ZFHX3: variants seen among roughly 807,000 people sequenced by gnomAD.
The protein encoded by ZFHX3 is zinc finger homeobox protein 3.
ZFHX3 carries 42 observed loss-of-function variants against 279.1 expected under a neutral mutation model. The ratio of observed to expected loss-of-function variants is 0.15; its 90% CI spans 0.12 to 0.19. ZFHX3 has a LOEUF of 0.19. Among genes scored for constraint, ZFHX3 ranks in the 10% least tolerant of loss-of-function variants. The probability of loss-of-function intolerance (pLI) is 1.00; values close to 1 mark genes in which losing one functional copy is unlikely to be tolerated. For synonymous variants in ZFHX3, 2,293 were observed against 1,957.8 expected (o/e 1.17, Z -4.52); for missense variants, 4,981 against 4,754.0 (o/e 1.05, Z -1.40).
intron 3 of ZFHX3, among the ~76,000 whole-genome samples, chr16:73,338,436 CT>C (rs898195699): frequency 2.0e-5 from 3 of 151,612 alleles, no homozygotes; most frequent in South Asian, 4.2e-4. Context: ...TAAAGGTCAA[CT>C]TTTTTTTTCA....
At chr16:72,803,317 G>A (rs981751645) in intron 7 of ZFHX3, among the ~76,000 whole-genome samples, 1 of 152,192 alleles carries the variant, frequency 6.6e-6, no homozygotes, top group African/African-American at 2.4e-5. Context: ...GGGCGACAGA[G>A]TGAGACTCTG....
chr16:73,003,238 A>G (rs1428938013), intron 1 of ZFHX3, among the ~76,000 whole-genome samples: 2 of 151,618 alleles, frequency 1.3e-5, no homozygotes, highest in African/African-American at 4.8e-5. Flanking sequence ...TTTCCTTTGC[A>G]CGACTCTCAG....
intron 2 of ZFHX3, among the ~76,000 whole-genome samples, chr16:73,637,069 G>GA (rs2052533206): frequency 6.6e-6 from 1 of 151,638 alleles, no homozygotes. Context: ...CAGATCAACA[G>GA]AAAAAAATAT....
rs56325039 is a variant in ZFHX3, at chr16:73,184,342, G to A, written c.-1103-40511C>T. Among the ~76,000 whole-genome samples, 243 of 152,322 alleles carry A rather than the reference G, an allele frequency of 1.6e-3. 1 individual carries two copies. Among genetic ancestry groups the A allele is most frequent in the African/African-American group, 5.5e-3 (228 of 41,562 alleles). On this transcript the variant is annotated intron_variant, in intron 5 of 17. Transcript: ENST00000641206. Reference sequence around the variant, plus strand: ...TGCAGCCAATGTGAATCCAAGCGAGGGTTTCATGGAAGACATTTTTGTCAG... The same window carrying A: ...TGCAGCCAATGTGAATCCAAGCGAGAGTTTCATGGAAGACATTTTTGTCAG...
chr16:73,412,938 G>A (rs956062369), intron 3 of ZFHX3, among the ~76,000 whole-genome samples: 3 of 152,170 alleles, frequency 2.0e-5, no homozygotes, highest in Non-Finnish European at 4.4e-5. Context: ...ATGCATTTAT[G>A]GATCTTAACA....
chr16:73,103,217 G>A (rs888193023), intron 7 of ZFHX3, among the ~76,000 whole-genome samples: 5 of 152,042 alleles, frequency 3.3e-5, no homozygotes, highest in Non-Finnish European at 7.4e-5. Flanking sequence ...GATTTCCTGC[G>A]CCCAGCCTAT....
intron 3 of ZFHX3, among the ~76,000 whole-genome samples, chr16:72,900,872 C>T (rs937996656): frequency 1.3e-5 from 2 of 152,214 alleles, no homozygotes; most frequent in East Asian, 1.9e-4. Context: ...GGACCCAAGT[C>T]GGAATACCTG....
chr16:73,308,262 TATATATATATATA>T lies in ZFHX3; in HGVS notation c.-1194+9965_-1194+9977del, dbSNP rs2015236518. On this transcript the variant is annotated intron_variant, in intron 4 of 17. Transcript: ENST00000641206. ...ATATATATATATATATATATATATATATATATATATATATATTTATTTATTTATTTTTGAGACA... is the reference window on the plus strand; with the variant it reads ...ATATATATATATATATATATATATATTATTTATTTATTTATTTTTGAGACA... Among the ~76,000 whole-genome samples, 288 of 31,788 alleles carry T rather than the reference TATATATATATATA, an allele frequency of 9.1e-3. 1 individual carries two copies. The highest frequency in any genetic ancestry group is 0.026 in the Middle Eastern group (1 of 38). 20.9% of individuals were successfully genotyped at this position (31,788 alleles called of 152,430 possible).
chr16:72,878,434 G>A (rs189326907), intron 4 of ZFHX3, among the ~76,000 whole-genome samples: 6 of 152,308 alleles, frequency 3.9e-5, no homozygotes, highest in Admixed American at 6.5e-5. Context: ...TCCCCATGCT[G>A]TGGGGCTTCT....
At chr16:73,453,997 T>C (rs2018327628) in intron 3 of ZFHX3, among the ~76,000 whole-genome samples, 1 of 152,102 alleles carries the variant, frequency 6.6e-6, no homozygotes, top group Admixed American at 6.5e-5. Context: ...AGCCAAACCG[T>C]ATCAGTGAGG....
chr16:73,659,557 G>C (rs1196211920), intron 2 of ZFHX3, among the ~76,000 whole-genome samples: 2 of 152,066 alleles, frequency 1.3e-5, no homozygotes, highest in South Asian at 2.1e-4. Context: ...TCCCTGGGGA[G>C]GTGGCTACAG....
chr16:72,867,293 G>C (rs1478884767), intron 4 of ZFHX3, among the ~76,000 whole-genome samples: 1 of 152,182 alleles, frequency 6.6e-6, no homozygotes, highest in Non-Finnish European at 1.5e-5. Context: ...ACAAAATTTA[G>C]AAGAAAAAAC....
chr16:73,764,342 T>C (rs1192627613), intron 1 of ZFHX3, among the ~76,000 whole-genome samples: 1 of 152,136 alleles, frequency 6.6e-6, no homozygotes, highest in Non-Finnish European at 1.5e-5. Context: ...GAAATCTTTT[T>C]TATATAAAAT....
At chr16:73,283,225 C>T (rs542737860) in intron 4 of ZFHX3, among the ~76,000 whole-genome samples, 1 of 152,312 alleles carries the variant, frequency 6.6e-6, no homozygotes, top group East Asian at 1.9e-4. Context: ...TTTACATTTA[C>T]CGATGTTATT....
chr16:73,057,721 C>A (rs1965589727), intron 1 of ZFHX3, among the ~76,000 whole-genome samples: 1 of 151,474 alleles, frequency 6.6e-6, no homozygotes, highest in African/African-American at 2.4e-5. Context: ...GCGCTCGCGG[C>A]GCTGCCAGTG....
intron 1 of ZFHX3, among the ~76,000 whole-genome samples, chr16:73,726,809 C>A (rs1384404466): frequency 6.6e-6 from 1 of 152,176 alleles, no homozygotes; most frequent in Non-Finnish European, 1.5e-5. Flanking sequence ...TCCCACCAGG[C>A]CCTACCTCCA....
At chr16:72,876,492 C>T (rs1362791936) in intron 4 of ZFHX3, among the ~76,000 whole-genome samples, 1 of 152,090 alleles carries the variant, frequency 6.6e-6, no homozygotes, top group Non-Finnish European at 1.5e-5. Context: ...TTCCTCCCCA[C>T]GAGGCATCGC....
At chr16:73,679,302 G>T (rs559305546) in intron 2 of ZFHX3, among the ~76,000 whole-genome samples, 1 of 152,144 alleles carries the variant, frequency 6.6e-6, no homozygotes, top group Non-Finnish European at 1.5e-5. Context: ...TCAGAGCATT[G>T]AAAAGTATAT....
At chr16:73,296,477 A>T (rs1228786431) in intron 4 of ZFHX3, among the ~76,000 whole-genome samples, 1 of 152,198 alleles carries the variant, frequency 6.6e-6, no homozygotes, top group Non-Finnish European at 1.5e-5. Context: ...GTGATAATCT[A>T]TGTGAATACA....
Sources: gnomAD v4.1 joint callset for allele counts (sites outside exome capture counted in the v4.1 genomes callset) on GRCh38, gnomAD v4.1.1 for gene constraint, MANE v1.5 for transcripts, NCBI Gene and HGNC (gene_info 2026-07-23, HGNC 2026-07-21) for gene names.